Variants in ADAP2 observed in about 807,000 individuals in gnomAD.
ADAP2 encodes ArfGAP with dual PH domains 2.
ADAP2 carries 42 observed loss-of-function variants against 54.9 expected under a neutral mutation model. The ratio of observed to expected loss-of-function variants is 0.77; its 90% CI spans 0.60 to 0.99. ADAP2 has a LOEUF of 0.99. ADAP2 is among the 50% of genes least tolerant of loss of function. The pLI is 0.00. For synonymous variants in ADAP2, 177 were observed against 180.1 expected (o/e 0.98, Z 0.14); for missense variants, 429 against 480.4 (o/e 0.89, Z 1.00).
intron 4 of ADAP2, among the ~76,000 whole-genome samples, chr17:30,932,286 G>T (rs1165030854): frequency 6.8e-6 from 1 of 148,052 alleles, no homozygotes. Flanking sequence ...AGCCTGGAGT[G>T]CAGTGGCACT....
At chr17:30,955,891 A>T (rs1232929038) in intron 9 of ADAP2, among the ~76,000 whole-genome samples, 1 of 151,930 alleles carries the variant, frequency 6.6e-6, no homozygotes, top group Non-Finnish European at 1.5e-5. Flanking sequence ...CCCTGTCTCC[A>T]AAAACAATTC....
At chr17:30,945,955 C>T (rs1210540526) in intron 6 of ADAP2, among the ~76,000 whole-genome samples, 1 of 151,386 alleles carries the variant, frequency 6.6e-6, no homozygotes, top group African/African-American at 2.4e-5. Context: ...AGATCGAGAC[C>T]ATGCTGTCTA....
chr17:30,933,706 G>C (rs2033134201), intron 4 of ADAP2, among the ~76,000 whole-genome samples: 1 of 152,100 alleles, frequency 6.6e-6, no homozygotes, highest in Admixed American at 6.5e-5. Context: ...CACCATGTTG[G>C]TCAGGCTGGT....
In ADAP2 at chr17:30,922,122, G is replaced by GGCGCGGGCA. The variant is rs1326373104; in HGVS notation, c.94+20_94+28dup. On this transcript the variant is annotated intron_variant, in intron 1 of 10. Coordinates refer to ENST00000330889, the MANE Select transcript of ADAP2 (RefSeq NM_018404.3). ...GCGGGGCGGCAGGTAAGGGCGCGGC[G>GGCGCGGGCA]GCGCGGGCAGCGCGAGACCCCCGGC... The GGCGCGGGCA allele has an allele frequency of 1.9e-5, 24 of 1,234,898 alleles. No homozygotes were observed. Among genetic ancestry groups the GGCGCGGGCA allele is most frequent in the Non-Finnish European group, 2.4e-5 (24 of 989,422 alleles). 76.5% of individuals were successfully genotyped at this position (1,234,898 alleles called of 1,614,324 possible).
chr17:30,941,710 C>T (rs969364639), intron 5 of ADAP2, among the ~76,000 whole-genome samples: 1 of 152,008 alleles, frequency 6.6e-6, no homozygotes, highest in Non-Finnish European at 1.5e-5. Context: ...ATTATATGAT[C>T]TCATTTATAT....
intron 8 of ADAP2, chr17:30,954,252 C>T (rs542480824): frequency 4.6e-6 from 2 of 436,272 alleles, no homozygotes; most frequent in Non-Finnish European, 8.3e-6. Context: ...CAGGGTGAAG[C>T]TGGCAAAGGG....
intron 6 of ADAP2, among the ~76,000 whole-genome samples, chr17:30,948,072 T>A (rs1430077824): frequency 6.6e-6 from 1 of 151,876 alleles, no homozygotes; most frequent in South Asian, 2.1e-4. Flanking sequence ...GCGGGATAAG[T>A]GGAATGTTTT....
chr17:30,923,264 CTTTTTT>C (rs375853030), intron 2 of ADAP2, among the ~76,000 whole-genome samples, 194 bp downstream of exon 2: 1 of 135,112 alleles, frequency 7.4e-6, no homozygotes. Flanking sequence ...CATTTGCTTA[CTTTTTT>C]TTTTTTTTTT....
intron 2 of ADAP2, 73 bp downstream of exon 2, chr17:30,923,143 T>C (rs1437685792): frequency 1.3e-6 from 2 of 1,558,314 alleles, no homozygotes; most frequent in African/African-American, 1.4e-5. Flanking sequence ...GGGGCTCCCA[T>C]TCTACAGAGG....
intron 2 of ADAP2, among the ~76,000 whole-genome samples, chr17:30,923,923 C>T (rs576770123): frequency 1.3e-5 from 2 of 151,868 alleles, no homozygotes; most frequent in African/African-American, 2.4e-5. Context: ...AGTCTGGTCT[C>T]GAACTCCTGA....
At chr17:30,952,415 A>C (rs1904737319) in intron 7 of ADAP2, among the ~76,000 whole-genome samples, 1 of 151,990 alleles carries the variant, frequency 6.6e-6, no homozygotes, top group Non-Finnish European at 1.5e-5. Flanking sequence ...TCCCTCTGTC[A>C]CCCAGACTGG....
intron 5 of ADAP2, among the ~76,000 whole-genome samples, chr17:30,941,911 A>ATT: frequency 6.9e-6 from 1 of 145,028 alleles, no homozygotes; most frequent in Non-Finnish European, 1.5e-5. Flanking sequence ...AAATCAAACT[A>ATT]TTTTTTTTTT....
At chr17:30,957,420 GT>G (rs201254965) in intron 10 of ADAP2, among the ~76,000 whole-genome samples, 8 of 143,676 alleles carry the variant, frequency 5.6e-5, no homozygotes, top group African/African-American at 7.7e-5. Flanking sequence ...CTGTCTTTGT[GT>G]TTTTTTTTTT....
intron 5 of ADAP2, among the ~76,000 whole-genome samples, chr17:30,944,467 T>C (rs913985301): frequency 1.3e-5 from 2 of 151,984 alleles, no homozygotes; most frequent in African/African-American, 4.8e-5. Flanking sequence ...CGAAACTCTG[T>C]CTCTACTTAA....
At position 30,922,095 on chromosome 17, in the gene ADAP2, C is replaced by T. The variant is rs1267887598; in HGVS notation, c.81C>T (p.Asp27=). 4 of 1,251,066 alleles carry T rather than the reference C, an allele frequency of 3.2e-6. No individual in the cohort carries two copies. The highest frequency in any genetic ancestry group is 3.2e-5 in the East Asian group (1 of 31,156). 77.5% of individuals were successfully genotyped at this position (1,251,066 alleles called of 1,614,324 possible). Residue 27 remains aspartate, a synonymous_variant, in exon 1 of 11, where the codon GAC becomes GAT. Transcript: ENST00000330889. ...ACACAGGCAACGCGCACTGCGCCGA[C>T]TGCGGGGCGGCAGGTAAGGGCGCGG... ...APDTGNAHCA[D]CGAADPDWAS...
chr17:30,954,954 T>A (rs960005397), intron 9 of ADAP2, among the ~76,000 whole-genome samples: 1 of 152,138 alleles, frequency 6.6e-6, no homozygotes, highest in Non-Finnish European at 1.5e-5. Flanking sequence ...AGCCGTGTAC[T>A]TAGTGCTCTG....
At chr17:30,923,111 C>T in intron 2 of ADAP2, 41 bp downstream of exon 2, 1 of 1,610,028 alleles carries the variant, frequency 6.2e-7, no homozygotes, top group Admixed American at 1.7e-5. Flanking sequence ...AACTGCGGGA[C>T]TGGAGTAGAG....
intron 10 of ADAP2, 88 bp downstream of exon 10, chr17:30,956,557 C>A: frequency 8.7e-7 from 1 of 1,145,320 alleles, no homozygotes; most frequent in Non-Finnish European, 1.3e-6. Context: ...TTTGATACCA[C>A]AAAAGATTCC....
rs1294310430 is a variant in ADAP2 at position 30,958,936 on chromosome 17, C to T, written c.*1067C>T. 2.0e-5 allele frequency: 3 copies of T among 152,086 alleles called. No homozygotes were observed. The highest frequency in any genetic ancestry group is 6.6e-5 in the Admixed American group (1 of 15,246). The allele number at this position is 152,086 out of a possible 1,614,324, so 9.4% of individuals were successfully genotyped here. A position where few individuals can be genotyped will look rare whatever the true frequency, so the allele number is the denominator to read the frequency against. On this transcript the variant is annotated 3_prime_UTR_variant, in exon 11 of 11. Coordinates refer to ENST00000330889, the MANE Select transcript of ADAP2 (RefSeq NM_018404.3). ...TGTATGGGACTTTCCTTTGGATCCC[C>T]CAATCAAAGGATAAGCAATGCGTAA...
Sources: allele counts gnomAD v4.1 joint callset (sites outside exome capture counted in the v4.1 genomes callset), GRCh38; gene constraint gnomAD v4.1.1; transcripts MANE v1.5; gene names NCBI Gene and HGNC (gene_info 2026-07-23, HGNC 2026-07-21).